Variants in PRKAG2 observed in about 807,000 individuals in gnomAD.
The protein encoded by PRKAG2 is protein kinase AMP-activated non-catalytic subunit gamma 2.
In PRKAG2, 26 loss-of-function variants were observed where a neutral mutation model predicts 69.6. The observed-to-expected ratio is 0.37, with a 90% CI of 0.27 to 0.52. The LOEUF is 0.52. Among genes scored for constraint, PRKAG2 ranks in the 20% least tolerant of loss-of-function variants. The probability of loss-of-function intolerance (pLI) is 0.90; values close to 1 mark genes in which losing one functional copy is unlikely to be tolerated. For missense variants in PRKAG2, 557 were observed against 740.0 expected (o/e 0.75, Z 2.87); for synonymous variants, 293 against 285.0 (o/e 1.03, Z -0.28).
At chr7:151,839,548 T>C (rs2079227474) in intron 1 of PRKAG2, among the ~76,000 whole-genome samples, 1 of 152,214 alleles carries the variant, frequency 6.6e-6, no homozygotes, top group Non-Finnish European at 1.5e-5. Context: ...CACACCTTAC[T>C]CATGTCTTGT....
At chr7:151,578,699 G>C (rs1043600475) in intron 6 of PRKAG2, among the ~76,000 whole-genome samples, 36 of 152,170 alleles carry the variant, frequency 2.4e-4, no homozygotes, top group African/African-American at 8.4e-4. Context: ...CAGTGATGTG[G>C]GAGAGCAACA....
chr7:151,778,724 A>G (rs1182340940), intron 3 of PRKAG2, among the ~76,000 whole-genome samples: 1 of 152,162 alleles, frequency 6.6e-6, no homozygotes, highest in Non-Finnish European at 1.5e-5. Context: ...CAGGTCTGGG[A>G]GCTTGACATT....
At chr7:151,831,739 C>T (rs1049658403) in intron 1 of PRKAG2, among the ~76,000 whole-genome samples, 2 of 152,022 alleles carry the variant, frequency 1.3e-5, no homozygotes, top group African/African-American at 4.8e-5. Context: ...GGCCTCGCCC[C>T]CTGGAGGGAG....
In PRKAG2 at chr7:151,699,934, G is replaced by A. The variant is rs553503241; in HGVS notation, c.467-24297C>T. Among the ~76,000 whole-genome samples, 17 of 152,270 alleles carry A rather than the reference G, an allele frequency of 1.1e-4. No individual in the cohort carries two copies. Among genetic ancestry groups the A allele is most frequent in the African/African-American group, 3.1e-4 (13 of 41,544 alleles). On this transcript the variant is annotated intron_variant, in intron 3 of 15. Coordinates refer to ENST00000287878, the MANE Select transcript of PRKAG2 (RefSeq NM_016203.4). This position sits in a 1 kb window ranked among gnomAD's most constrained non-coding sequence, Gnocchi z 4.5. ...CAGTGCTCTGCTGCCACAGGCGGCC[G>A]CAGATGGGTGCCCCCACATTGCAGA...
chr7:151,789,891 A>C (rs2077193200), intron 1 of PRKAG2, among the ~76,000 whole-genome samples: 1 of 152,076 alleles, frequency 6.6e-6, no homozygotes, highest in South Asian at 2.1e-4. Context: ...AGCCCCATAG[A>C]TGAACTGACC....
intron 4 of PRKAG2, among the ~76,000 whole-genome samples, chr7:151,658,185 ATAAATAAATAAG>A (rs1197086103): frequency 4.2e-5 from 6 of 143,408 alleles, no homozygotes; most frequent in East Asian, 2.1e-4. Flanking sequence ...AAATAAATAA[ATAAATAAATAAG>A]AATAATAGGG....
intron 3 of PRKAG2, among the ~76,000 whole-genome samples, chr7:151,681,366 G>A (rs1322952807): frequency 6.6e-6 from 1 of 152,184 alleles, no homozygotes; most frequent in Non-Finnish European, 1.5e-5. Flanking sequence ...GGTGACTCCT[G>A]TGGGGAAAAC....
In PRKAG2 at chr7:151,757,749, C is replaced by T. The variant is rs528005429; in HGVS notation, c.466+23403G>A. ...TCTGACCATCTAGGGTGGTGTTTTC[C>T]AAACTGCAACCACTGCCCCCGCCAC... On this transcript the variant is annotated intron_variant, in intron 3 of 15. Coordinates refer to ENST00000287878, the MANE Select transcript of PRKAG2 (RefSeq NM_016203.4). Among the ~76,000 whole-genome samples the T allele has an allele frequency of 5.9e-5, 9 of 152,318 alleles. 1 individual carries two copies. Among genetic ancestry groups the T allele is most frequent in the African/African-American group, 2.2e-4 (9 of 41,580 alleles).
intron 1 of PRKAG2, among the ~76,000 whole-genome samples, chr7:151,875,562 GGTGTGTGTGTGTGTGTGTGTGTGTGTGT>G (rs55660204): frequency 1.1e-4 from 15 of 131,400 alleles, no homozygotes; most frequent in African/African-American, 2.6e-4. Context: ...GGAGCACTCT[GGTGTGTGTGTGTGTGTGTGTGTGTGTGT>G]GTGTGTGTGT....
chr7:151,602,563 T>C (rs1051657932), intron 5 of PRKAG2, among the ~76,000 whole-genome samples: 5 of 152,238 alleles, frequency 3.3e-5, no homozygotes, highest in East Asian at 1.9e-4. Context: ...TCAATGAACA[T>C]TGTATTTTGA....
chr7:151,841,055 C>T (rs928267300), intron 1 of PRKAG2, among the ~76,000 whole-genome samples: 1 of 152,214 alleles, frequency 6.6e-6, no homozygotes, highest in Non-Finnish European at 1.5e-5. Context: ...GTGGTGCGAT[C>T]TCAGCTCACT....
At chr7:151,825,040 C>T (rs1310690368) in intron 1 of PRKAG2, among the ~76,000 whole-genome samples, 4 of 121,092 alleles carry the variant, frequency 3.3e-5, no homozygotes, top group African/African-American at 6.0e-5. Context: ...GGTGAAACCC[C>T]GTCTCTACTA....
chr7:151,572,557 C>T (rs1380886048), intron 9 of PRKAG2, 107 bp downstream of exon 9: 14 of 820,338 alleles, frequency 1.7e-5, no homozygotes, highest in Non-Finnish European at 2.9e-5. Flanking sequence ...TTTTATATAA[C>T]ATTTTATGGA....
intron 1 of PRKAG2, among the ~76,000 whole-genome samples, chr7:151,853,436 T>C (rs941275902): frequency 7.9e-5 from 12 of 152,188 alleles, no homozygotes; most frequent in Admixed American, 7.2e-4. Context: ...GGGTCAGATA[T>C]TACGTTGAAC....
In PRKAG2 at chr7:151,557,010, A is replaced by C; in HGVS notation, c.*191T>G. ...GACAAAGGTCTGAAAACAGTCTTTT[A>C]ATGCAAGCCTGAATCTTCAAGCACA... On this transcript the variant is annotated 3_prime_UTR_variant, in exon 16 of 16. Transcript: ENST00000287878. 1.1e-6 allele frequency: 1 copy of C among 893,596 alleles called. No individual in the cohort carries two copies. The highest frequency in any genetic ancestry group is 1.7e-6 in the Non-Finnish European group (1 of 588,016). 55.4% of individuals were successfully genotyped at this position (893,596 alleles called of 1,614,324 possible).
Position 151,788,474 on chromosome 7 carries a change from A to T in PRKAG2, c.115-1933T>A, listed in dbSNP as rs2077120042. Among the ~76,000 whole-genome samples the T allele has an allele frequency of 6.6e-6, 1 of 152,172 alleles. No homozygotes were observed. The highest frequency in any genetic ancestry group is 2.1e-4 in the South Asian group (1 of 4,828). On this transcript the variant is annotated intron_variant, in intron 1 of 15. Coordinates refer to ENST00000287878, the MANE Select transcript of PRKAG2 (RefSeq NM_016203.4). The surrounding 1 kb of genome is among the most constrained non-coding windows in gnomAD (Gnocchi z 4.6). ...AAATGTCCATTCAGGCCATTTGTCT[A>T]TCTTGTTTGGAGAAATGTCTATTCA...
intron 3 of PRKAG2, among the ~76,000 whole-genome samples, chr7:151,684,195 C>A (rs1426878353): frequency 6.6e-6 from 1 of 152,162 alleles, no homozygotes; most frequent in Non-Finnish European, 1.5e-5. Context: ...AGCAACTCCT[C>A]TTCCCCTCGT....
chr7:151,760,012 G>A (rs1299160206), intron 3 of PRKAG2, among the ~76,000 whole-genome samples: 1 of 152,232 alleles, frequency 6.6e-6, no homozygotes, highest in Non-Finnish European at 1.5e-5. Context: ...GTAGCACCAA[G>A]TCATTCCTAC....
At chr7:151,653,256 T>TA (rs554025285) in intron 4 of PRKAG2, among the ~76,000 whole-genome samples, 12 of 151,266 alleles carry the variant, frequency 7.9e-5, no homozygotes, top group Non-Finnish European at 1.3e-4. Context: ...ATTTGCTTGT[T>TA]AAAAAAAAAT....
Sources: allele counts gnomAD v4.1 joint callset (sites outside exome capture counted in the v4.1 genomes callset), GRCh38; gene constraint gnomAD v4.1.1; non-coding constraint Gnocchi (gnomAD v3.1); transcripts MANE v1.5; gene names NCBI Gene and HGNC (gene_info 2026-07-23, HGNC 2026-07-21).